The following MPPED2 variants were observed in gnomAD, a reference collection of about 807,000 sequenced individuals.
MPPED2 encodes metallophosphoesterase MPPED2.
A neutral mutation model predicts 33.0 loss-of-function variants in MPPED2; 5 were observed. That is an observed-to-expected ratio of 0.15 (90% CI 0.08 to 0.32). MPPED2 has a LOEUF of 0.32. Ranked by LOEUF, MPPED2 falls within the 10% of genes least tolerant of loss-of-function variation. The pLI is 1.00. For missense variants in MPPED2, 275 were observed against 372.1 expected, an observed-to-expected ratio of 0.74 and a Z score of 2.15; for synonymous variants, 136 against 141.9, an observed-to-expected ratio of 0.96 and a Z score of 0.29.
At chr11:30,443,540 G>A (rs1292908003) in intron 4 of MPPED2, among the ~76,000 whole-genome samples, 2 of 152,056 alleles carry the variant, frequency 1.3e-5, no homozygotes, top group Non-Finnish European at 2.9e-5. Flanking sequence ...GTGGGAGGGT[G>A]GGGAGTGAAA....
intron 4 of MPPED2, among the ~76,000 whole-genome samples, chr11:30,481,815 T>G (rs1565111163): frequency 6.6e-6 from 1 of 152,102 alleles, no homozygotes; most frequent in Non-Finnish European, 1.5e-5. Context: ...AGACTCTGAT[T>G]TAAAAAAGAA....
At chr11:30,504,263 A>G (rs1952710733) in intron 3 of MPPED2, among the ~76,000 whole-genome samples, 1 of 152,166 alleles carries the variant, frequency 6.6e-6, no homozygotes, top group Non-Finnish European at 1.5e-5. Flanking sequence ...TATTTCACTG[A>G]GGAATGAATA....
chr11:30,546,909 C>T (rs1955453103), intron 2 of MPPED2, among the ~76,000 whole-genome samples: 1 of 152,132 alleles, frequency 6.6e-6, no homozygotes, highest in Non-Finnish European at 1.5e-5. Context: ...TTTACCCTAC[C>T]TCTTTATCCC....
At chr11:30,434,779 A>T (rs1949250588) in intron 4 of MPPED2, among the ~76,000 whole-genome samples, 1 of 152,218 alleles carries the variant, frequency 6.6e-6, no homozygotes, top group African/African-American at 2.4e-5. Flanking sequence ...TCACTGAAAC[A>T]ATTGTACAGT....
intron 6 of MPPED2, among the ~76,000 whole-genome samples, chr11:30,398,234 C>G (rs191714729): frequency 1.9e-3 from 287 of 152,198 alleles, no homozygotes; most frequent in Non-Finnish European, 2.7e-3. Flanking sequence ...AGTGATAGGG[C>G]TGAAATTGTT....
At chr11:30,494,992 G>C (rs1952187979) in intron 4 of MPPED2, 1 of 319,408 alleles carries the variant, frequency 3.1e-6, no homozygotes, top group South Asian at 6.7e-5. Context: ...TAAAAGACTT[G>C]AGCATGATGG....
At chr11:30,455,612 G>A (rs1473738817) in intron 4 of MPPED2, among the ~76,000 whole-genome samples, 1 of 152,142 alleles carries the variant, frequency 6.6e-6, no homozygotes, top group Non-Finnish European at 1.5e-5. Flanking sequence ...ATGCCAAAAG[G>A]TGGCTTCTAC....
At position 30,410,582 on chromosome 11, in the gene MPPED2, C is replaced by T. The variant is rs562326675; in HGVS notation, c.*886G>A. ...TAGATTTAACTCAAGCTCTTTAAGACCTTGAGCTCTGAGAGAATGTGTCAG... is the reference window on the plus strand; with the variant it reads ...TAGATTTAACTCAAGCTCTTTAAGATCTTGAGCTCTGAGAGAATGTGTCAG... On this transcript the variant is annotated 3_prime_UTR_variant, in exon 7 of 7. Transcript: ENST00000358117. 54 of 985,706 alleles carry T rather than the reference C, an allele frequency of 5.5e-5. No homozygotes were observed. In the African/African-American group the frequency reaches 9.2e-4, roughly 17 times the overall value. The allele number at this position is 985,706 out of a possible 1,614,324, so 61.1% of individuals were successfully genotyped here.
At chr11:30,520,701 T>G (rs1953822965) in intron 3 of MPPED2, among the ~76,000 whole-genome samples, 1 of 152,234 alleles carries the variant, frequency 6.6e-6, no homozygotes, top group Admixed American at 6.5e-5. Flanking sequence ...CATCATTTCT[T>G]AAAATAATTA....
Position 30,560,845 on chromosome 11 carries a change from A to G in MPPED2, c.128+19401T>C, listed in dbSNP as rs538004607. Among the ~76,000 whole-genome samples, 9 of 152,192 alleles carry G rather than the reference A, an allele frequency of 5.9e-5. No individual in the cohort carries two copies. The South Asian group carries it at 1.5e-3, about 25-fold the overall frequency. ...CCCATAGTCATGCAAAAATCATGCT[A>G]CCCCCCACCTGGTGTGGAAGAAAAA... On this transcript the variant is annotated intron_variant, in intron 2 of 6. Transcript: ENST00000358117.
In MPPED2 at chr11:30,495,312, T is replaced by C. The variant is rs1449618988; in HGVS notation, c.520A>G (p.Ile174Val). 2 of 1,612,946 alleles carry C rather than the reference T, an allele frequency of 1.2e-6. No individual in the cohort carries two copies. Among genetic ancestry groups the C allele is most frequent in the East Asian group, 4.5e-5 (2 of 44,870 alleles). ...DSEVTVKGFR[I>V]YGAPWTPWFN... ...ATCACTTACCAAGGTGCACCGTATA[T>C]CCTGAATCCCTTCACTGTTACCTCC... The change falls in exon 4 of 7, where the codon ATA becomes GTA. Residue 174 changes from isoleucine to valine, a missense_variant. Ile to Val is a conservative substitution (Grantham distance 29). Coordinates refer to ENST00000358117, the MANE Select transcript of MPPED2 (RefSeq NM_001584.3).
chr11:30,573,549 C>T (rs1191742896), intron 2 of MPPED2, among the ~76,000 whole-genome samples: 5 of 152,178 alleles, frequency 3.3e-5, no homozygotes, highest in African/African-American at 4.8e-5. Context: ...ATGCCTGTTA[C>T]TGCTCCTGAA....
At chr11:30,443,962 C>T (rs188752984) in intron 4 of MPPED2, among the ~76,000 whole-genome samples, 127 of 152,248 alleles carry the variant, frequency 8.3e-4, no homozygotes, top group Non-Finnish European at 7.5e-4. Flanking sequence ...GGATACAAGA[C>T]CTTCTGGAAA....
At chr11:30,535,578 C>A (rs745928923) in intron 3 of MPPED2, among the ~76,000 whole-genome samples, 1 of 152,124 alleles carries the variant, frequency 6.6e-6, no homozygotes, top group African/African-American at 2.4e-5. Context: ...ACTTTTATAA[C>A]CCCTTCATTT....
intron 4 of MPPED2, among the ~76,000 whole-genome samples, chr11:30,446,067 A>T (rs1414243656): frequency 6.6e-6 from 1 of 152,176 alleles, no homozygotes; most frequent in Non-Finnish European, 1.5e-5. Context: ...TTCTCCATGG[A>T]CCACCCAGTA....
At chr11:30,517,517 T>A (rs1953599736) in intron 3 of MPPED2, among the ~76,000 whole-genome samples, 1 of 152,236 alleles carries the variant, frequency 6.6e-6, no homozygotes, top group African/African-American at 2.4e-5. Flanking sequence ...ATATACTATA[T>A]ATTTGATGAA....
chr11:30,444,253 C>T (rs1012311231), intron 4 of MPPED2, among the ~76,000 whole-genome samples: 2 of 152,114 alleles, frequency 1.3e-5, no homozygotes, highest in African/African-American at 2.4e-5. Flanking sequence ...ATTCCACCTG[C>T]GTTATAACGT....
chr11:30,478,869 T>C (rs1482189456), intron 4 of MPPED2, among the ~76,000 whole-genome samples: 1 of 152,110 alleles, frequency 6.6e-6, no homozygotes, highest in Non-Finnish European at 1.5e-5. Context: ...CTGTGTGTAG[T>C]GTTGTGGGTT....
chr11:30,566,070 C>T (rs555602261), intron 2 of MPPED2, among the ~76,000 whole-genome samples: 2 of 152,122 alleles, frequency 1.3e-5, no homozygotes, highest in South Asian at 2.1e-4. Context: ...AAAACTGGTT[C>T]GCCTTATTCA....
Sources: allele counts gnomAD v4.1 joint callset (sites outside exome capture counted in the v4.1 genomes callset), GRCh38; gene constraint gnomAD v4.1.1; transcripts MANE v1.5; gene names NCBI Gene and HGNC (gene_info 2026-07-23, HGNC 2026-07-21).